Variants in RTKN2 observed in about 807,000 individuals in gnomAD.
The protein encoded by RTKN2 is rhotekin-2.
A neutral mutation model predicts 71.5 loss-of-function variants in RTKN2; 69 were observed. The ratio of observed to expected loss-of-function variants is 0.96; its 90% CI spans 0.79 to 1.18. The LOEUF (loss-of-function observed/expected upper bound fraction) is 1.18, where lower values mean the gene tolerates loss of function less well. Ranked by LOEUF, RTKN2 falls within the 50% of genes most tolerant of loss-of-function variation. RTKN2 has a pLI of 0.00. For synonymous variants in RTKN2, 236 were observed against 236.5 expected (o/e 1.00, Z 0.02); for missense variants, 724 against 719.7 (o/e 1.01, Z -0.07).
intron 2 of RTKN2, chr10:62,259,110 G>T (rs1842726609): frequency 2.4e-6 from 1 of 417,780 alleles, no homozygotes; most frequent in Non-Finnish European, 4.8e-6. Flanking sequence ...TCATGATAGT[G>T]AGTAAGTCTC....
Position 62,197,964 on chromosome 10 carries a change from GC to G in RTKN2, c.1773del (p.Arg591SerfsTer42). On this transcript the variant is annotated frameshift_variant, in exon 12 of 12. Transcript: ENST00000373789. LOFTEE classifies it high-confidence loss of function. ...NFEAKPVPAPRQKSIKDILDP... is the reference protein window; with the variant it reads ...NFEAKPVPAPXQKSIKDILDP... ...TCCAGAATGTCTTTGATGGATTTCT[GC>G]CTTGGAGCTGGCACTGGCTTGGCTT... 6.2e-7 allele frequency: 1 copy of G among 1,614,016 alleles called. No individual in the cohort carries two copies. The highest frequency in any genetic ancestry group is 8.5e-7 in the Non-Finnish European group (1 of 1,179,948).
rs993755683 is a variant in RTKN2 at position 62,261,201 on chromosome 10, C to T, written c.257+1424G>A. Reference sequence around the variant, plus strand: ...CAATTTCATTGTATAATGCTGGAGGCATATAAGAATGAAAACTGACATTTG... The same window carrying T: ...CAATTTCATTGTATAATGCTGGAGGTATATAAGAATGAAAACTGACATTTG... On this transcript the variant is annotated intron_variant, in intron 2 of 11. Transcript: ENST00000373789. Among the ~76,000 whole-genome samples the T allele has an allele frequency of 5.3e-5, 8 of 152,090 alleles. No individual in the cohort carries two copies. The South Asian group carries it at 1.0e-3, about 20-fold the overall frequency.
At chr10:62,252,323 G>A (rs970739910) in intron 2 of RTKN2, among the ~76,000 whole-genome samples, 2 of 152,072 alleles carry the variant, frequency 1.3e-5, no homozygotes, top group African/African-American at 4.8e-5. Flanking sequence ...GAAAGAATGT[G>A]TTGGCTAAGG....
intron 6 of RTKN2, among the ~76,000 whole-genome samples, chr10:62,231,919 G>C (rs73287432): frequency 1.4e-3 from 206 of 152,310 alleles, no homozygotes; most frequent in African/African-American, 4.9e-3. Flanking sequence ...CCATGGTGCT[G>C]AAGTGGTCAG....
intron 8 of RTKN2, among the ~76,000 whole-genome samples, chr10:62,185,677 T>A (rs992637943): frequency 6.6e-6 from 1 of 152,144 alleles, no homozygotes; most frequent in Non-Finnish European, 1.5e-5. Flanking sequence ...TGGTGAGACA[T>A]CAAAGGAAAA....
In RTKN2 at chr10:62,236,184, G is replaced by A; in HGVS notation, c.568C>T (p.Pro190Ser). ...TTGAGTTTCTTAGCTAGCTTTTTTG[G>A]TGTGTTGGTTATAGAAGATTCTTCT... ...CTEESSITNT[P>S]KKLAKKLKTS... Residue 190 changes from proline (P) to serine (S), a missense_variant, in exon 6 of 12, where the codon CCA (proline) becomes TCA (serine). Physicochemically the swap from Pro to Ser is moderately conservative, Grantham distance 74. Transcript: ENST00000373789. The A allele has an allele frequency of 2.5e-6, 4 of 1,611,286 alleles. No individual in the cohort carries two copies. The highest frequency in any genetic ancestry group is 3.4e-6 in the Non-Finnish European group (4 of 1,178,018).
At chr10:62,209,250 A>ACGAG (rs1841610045) in intron 9 of RTKN2, among the ~76,000 whole-genome samples, 1 of 152,128 alleles carries the variant, frequency 6.6e-6, no homozygotes, top group African/African-American at 2.4e-5. Context: ...CCTGGGCAAC[A>ACGAG]CGAGCGAAAC....
In RTKN2 at chr10:62,236,255, G is replaced by GC; in HGVS notation, c.496dup (p.Ala166GlyfsTer13). 1 of 1,598,752 alleles carries GC rather than the reference G, an allele frequency of 6.3e-7. No homozygotes were observed. Among genetic ancestry groups the GC allele is most frequent in the Non-Finnish European group, 8.5e-7 (1 of 1,170,932 alleles). ...CACCTTTATCTGAAAGTCTGGCCCT[G>GC]CTTCATTACTAAAAACAAGGGCATT... On this transcript the variant is annotated frameshift_variant, in exon 6 of 12. Coordinates refer to ENST00000373789, the MANE Select transcript of RTKN2 (RefSeq NM_145307.4). LOFTEE classifies it high-confidence loss of function.
chr10:62,223,294 G>T lies in RTKN2; in HGVS notation c.725C>A (p.Thr242Asn). 6.2e-7 allele frequency: 1 copy of T among 1,610,728 alleles called. No individual in the cohort carries two copies. Among genetic ancestry groups the T allele is most frequent in the Non-Finnish European group, 8.5e-7 (1 of 1,177,148 alleles). The change falls in exon 7 of 12, where the codon ACC becomes AAC. Residue 242 changes from threonine to asparagine, a missense_variant. Coordinates refer to ENST00000373789, the MANE Select transcript of RTKN2 (RefSeq NM_145307.4). ...KYNLLAHTTL[T>N]LESAEDSFKT... ...GAAACTATCCTCAGCACTTTCCAAG[G>T]TTAGGGTAGTGTGAGCTAGCAAATT...
intron 8 of RTKN2, among the ~76,000 whole-genome samples, chr10:62,186,951 A>T (rs535471961): frequency 2.0e-5 from 3 of 152,308 alleles, no homozygotes; most frequent in African/African-American, 7.2e-5. Flanking sequence ...CAAAAAAATT[A>T]AACATACTAT....
chr10:62,184,138 G>A, exon 9 of RTKN2: 1 of 497,250 alleles, frequency 2.0e-6, no homozygotes, highest in East Asian at 3.3e-5. Flanking sequence ...TCTACAAAAT[G>A]TTTACTCAAT....
intron 2 of RTKN2, among the ~76,000 whole-genome samples, chr10:62,250,919 C>T (rs1486424366): frequency 6.6e-6 from 1 of 152,236 alleles, no homozygotes; most frequent in Admixed American, 6.5e-5. Context: ...TCATGAGCCA[C>T]TGTGCCTGGC....
At chr10:62,250,940 A>G (rs527470038) in intron 2 of RTKN2, among the ~76,000 whole-genome samples, 6 of 152,288 alleles carry the variant, frequency 3.9e-5, no homozygotes, top group East Asian at 3.9e-4. Context: ...CTAACAATTC[A>G]TAAGTTTTAA....
intron 6 of RTKN2, among the ~76,000 whole-genome samples, chr10:62,230,205 CTT>C (rs1842119443): frequency 6.6e-6 from 1 of 152,026 alleles, no homozygotes; most frequent in African/African-American, 2.4e-5. Flanking sequence ...GAGTCTCTCT[CTT>C]GTTGCCCAGG....
chr10:62,268,558 G>C lies in RTKN2; in HGVS notation c.53C>G (p.Thr18Ser). 2 of 1,561,854 alleles carry C rather than the reference G, an allele frequency of 1.3e-6. No individual in the cohort carries two copies. Among genetic ancestry groups the C allele is most frequent in the East Asian group, 2.4e-5 (1 of 42,298 alleles). The change falls in exon 1 of 12, where the codon ACC becomes AGC. Residue 18 changes from threonine (T) to serine (S), a missense_variant. By Grantham distance (58) the Thr-to-Ser change is moderately conservative. Coordinates refer to ENST00000373789, the MANE Select transcript of RTKN2 (RefSeq NM_145307.4). ...GTCCCTCCCGCAACTCACCTGCTGGGTGGGAAGCCCCGCCAGGCGGAGCGC... is the reference window on the plus strand; with the variant it reads ...GTCCCTCCCGCAACTCACCTGCTGGCTGGGAAGCCCCGCCAGGCGGAGCGC... ...GPALRLAGLP[T>S]QQDCNIQEKI... is the part of the protein sequence containing the mutation.
At chr10:62,205,666 C>T (rs78127401) in intron 9 of RTKN2, among the ~76,000 whole-genome samples, 6,632 of 152,194 alleles carry the variant, frequency 0.044, 449 homozygotes, top group African/African-American at 0.15. Flanking sequence ...TACAACACTA[C>T]CACAAGGACA....
Position 62,194,098 on chromosome 10 carries a change from A to G in RTKN2, c.*3810T>C. On this transcript the variant is annotated 3_prime_UTR_variant, in exon 12 of 12. Coordinates refer to ENST00000373789, the MANE Select transcript of RTKN2 (RefSeq NM_145307.4). ...ACTTTAAAAAATGTATGTCCATGAT[A>G]TAATACTTTTTAATCCAAAAGTCTG... is the stretch of plus-strand genomic sequence containing the variant. 1 of 980,966 alleles carries G rather than the reference A, an allele frequency of 1.0e-6. No homozygotes were observed. The highest frequency in any genetic ancestry group is 1.2e-6 in the Non-Finnish European group (1 of 825,840). The allele number at this position is 980,966 out of a possible 1,614,324, so 60.8% of individuals were successfully genotyped here. A position where few individuals can be genotyped will look rare whatever the true frequency, so the allele number is the denominator to read the frequency against.
intron 6 of RTKN2, among the ~76,000 whole-genome samples, chr10:62,225,332 C>T (rs534037862): frequency 1.3e-5 from 2 of 152,228 alleles, no homozygotes; most frequent in Non-Finnish European, 2.9e-5. Context: ...ACCAATCCCC[C>T]CTTCCCACTA....
chr10:62,188,534 A>G (rs1190191681), downstream of RTKN2, among the ~76,000 whole-genome samples: 1 of 152,000 alleles, frequency 6.6e-6, no homozygotes, highest in African/African-American at 2.4e-5. Context: ...TCGTGAACGT[A>G]TTCTAAATCA....
Sources: gnomAD v4.1 joint callset for allele counts (sites outside exome capture counted in the v4.1 genomes callset) on GRCh38, gnomAD v4.1.1 for gene constraint, MANE v1.5 for transcripts, NCBI Gene and HGNC (gene_info 2026-07-23, HGNC 2026-07-21) for gene names.